GREM1: variants seen among roughly 807,000 people sequenced by gnomAD.
GREM1 encodes the protein gremlin 1, DAN family BMP antagonist, also known as gremlin-1.
Under a neutral mutation model 13.1 loss-of-function variants are expected in GREM1, and 6 were observed. The ratio of observed to expected loss-of-function variants is 0.46; its 90% CI spans 0.25 to 0.91. GREM1 has a LOEUF of 0.91. Ranked by LOEUF, GREM1 falls within the 40% of genes least tolerant of loss-of-function variation. GREM1 has a pLI of 0.18. For missense variants in GREM1, 185 were observed against 233.9 expected, an observed-to-expected ratio of 0.79 and a Z score of 1.36; for synonymous variants, 98 against 93.7, an observed-to-expected ratio of 1.05 and a Z score of -0.27.
rs1361937699 is a variant in GREM1 at position 32,735,001 on chromosome 15, G to A, written c.*3756G>A. The stretch of plus-strand genomic sequence containing the variant: ...TATCTTCATTTCAGGGTGTTCCAGG[G>A]GAAAAGCAGGAGAAAGATTTGGGGC... On this transcript the variant is annotated 3_prime_UTR_variant, in exon 2 of 2. Coordinates refer to ENST00000651154, the MANE Select transcript of GREM1 (RefSeq NM_013372.7). 1 of 152,722 alleles carries A rather than the reference G, an allele frequency of 6.5e-6. No individual in the cohort carries two copies. Among genetic ancestry groups the A allele is most frequent in the Non-Finnish European group, 1.5e-5 (1 of 68,350 alleles). 9.5% of individuals were successfully genotyped at this position (152,722 alleles called of 1,614,324 possible). A position where few individuals can be genotyped will look rare whatever the true frequency, so the allele number is the denominator to read the frequency against.
Sources: gnomAD v4.1 joint callset for allele counts on GRCh38, gnomAD v4.1.1 for gene constraint, MANE v1.5 for transcripts, NCBI Gene and HGNC (gene_info 2026-07-23, HGNC 2026-07-21) for gene names.